FGD4: variants seen among roughly 807,000 people sequenced by gnomAD.
The protein encoded by FGD4 is FYVE, RhoGEF and PH domain containing 4.
Under a neutral mutation model 102.0 loss-of-function variants are expected in FGD4, and 42 were observed. The ratio of observed to expected loss-of-function variants is 0.41; its 90% CI spans 0.32 to 0.53. The LOEUF is 0.53. Among genes scored for constraint, FGD4 ranks in the 20% least tolerant of loss-of-function variants. The pLI is 0.21. For synonymous variants in FGD4, 380 were observed against 375.7 expected (o/e 1.01, Z -0.13); for missense variants, 902 against 1,078.2 (o/e 0.84, Z 2.29).
intron 1 of FGD4, among the ~76,000 whole-genome samples, chr12:32,472,825 G>A (rs1026524756): frequency 6.6e-6 from 1 of 152,226 alleles, no homozygotes; most frequent in African/African-American, 2.4e-5. Context: ...TCAGCATCCC[G>A]TGTTTAGCTC....
chr12:32,419,299 G>A (rs1179525300), intron 1 of FGD4, among the ~76,000 whole-genome samples: 1 of 152,170 alleles, frequency 6.6e-6, no homozygotes, highest in Non-Finnish European at 1.5e-5. Context: ...AATGTGCTGG[G>A]TCACACCTGA....
chr12:32,416,239 A>G (rs578197352), intron 1 of FGD4, among the ~76,000 whole-genome samples: 258 of 152,334 alleles, frequency 1.7e-3, no homozygotes, highest in Non-Finnish European at 2.5e-3. Flanking sequence ...TGCTCAAGCA[A>G]TCTGCTCACC....
rs1949692890 is a variant in FGD4 at position 32,619,841 on chromosome 12, G to A, written c.1893G>A (p.Gly631=). 1 of 1,613,938 alleles carries A rather than the reference G, an allele frequency of 6.2e-7. No homozygotes were observed. Among genetic ancestry groups the A allele is most frequent in the Non-Finnish European group, 8.5e-7 (1 of 1,179,968 alleles). Residue 631 remains glycine, a synonymous_variant, in exon 11 of 17, where the codon GGG becomes GGA. Coordinates refer to ENST00000534526, the MANE Select transcript of FGD4 (RefSeq NM_001370298.3). ...EEYPHTFQVS[G]KERTLELQAS... ...ATCCACATACTTTCCAGGTGTCTGG[G>A]AAAGAGAGAACACTGGAACTGCAGG...
chr12:32,486,336 A>G (rs1943899532), intron 1 of FGD4, among the ~76,000 whole-genome samples: 1 of 152,216 alleles, frequency 6.6e-6, no homozygotes, highest in Non-Finnish European at 1.5e-5. Flanking sequence ...CTGTGGTTTT[A>G]GCACAAAGGT....
At chr12:32,428,223 G>T (rs1260243026) in intron 1 of FGD4, among the ~76,000 whole-genome samples, 1 of 152,158 alleles carries the variant, frequency 6.6e-6, no homozygotes, top group Non-Finnish European at 1.5e-5. Context: ...TCCAGATTTA[G>T]TGCTTCCTTC....
chr12:32,538,820 A>G (rs4244859), intron 1 of FGD4, among the ~76,000 whole-genome samples: 65,752 of 151,858 alleles, frequency 0.43, 16,074 homozygotes, highest in African/African-American at 0.68. Context: ...TTGGGAGGCC[A>G]AGGAGGGAAG....
At position 32,499,143 on chromosome 12, in the gene FGD4, T is replaced by C. The variant is rs779857850; in HGVS notation, c.167-64994T>C. 2.2e-4 allele frequency among the ~76,000 whole-genome samples: 33 copies of C among 152,334 alleles called. 1 individual carries two copies. The highest frequency in any genetic ancestry group is 6.8e-3 in the Middle Eastern group (2 of 294). On this transcript the variant is annotated intron_variant, in intron 1 of 16. Transcript: ENST00000534526. ...TTCCCAAGGTTATTCCATCTCTGCC[T>C]AGCTGGCACAATGGCTGCAACAGCA...
chr12:32,503,670 C>T (rs527510790), intron 1 of FGD4, among the ~76,000 whole-genome samples: 1 of 152,188 alleles, frequency 6.6e-6, no homozygotes, highest in African/African-American at 2.4e-5. Context: ...CTCTAAGAAG[C>T]ATCTTTTAAT....
chr12:32,405,135 G>T (rs1479985058), intron 1 of FGD4, among the ~76,000 whole-genome samples: 1 of 151,790 alleles, frequency 6.6e-6, no homozygotes, highest in East Asian at 1.9e-4. Flanking sequence ...GGGTTTCACC[G>T]TGTTAGCCAG....
intron 1 of FGD4, among the ~76,000 whole-genome samples, chr12:32,432,087 T>G: frequency 7.1e-6 from 1 of 140,458 alleles, no homozygotes; most frequent in African/African-American, 2.6e-5. Context: ...TTAGACAGAG[T>G]CTCGCTCTGT....
In FGD4 at chr12:32,506,460, C is replaced by T. The variant is rs1938749479; in HGVS notation, c.167-57677C>T. On this transcript the variant is annotated intron_variant, in intron 1 of 16. Transcript: ENST00000534526. The surrounding 1 kb of genome is among the most constrained non-coding windows in gnomAD (Gnocchi z 4.5). The stretch of plus-strand genomic sequence containing the variant: ...CCAAAGCAGGTGGGGGAGGGAGGAG[C>T]CTGAGGAACGACTATGGTCCACTCT... Among the ~76,000 whole-genome samples the T allele has an allele frequency of 6.6e-6, 1 of 152,104 alleles. No homozygotes were observed. The highest frequency in any genetic ancestry group is 6.5e-5 in the Admixed American group (1 of 15,272).
At chr12:32,547,461 A>T (rs1943315458) in intron 1 of FGD4, among the ~76,000 whole-genome samples, 2 of 152,162 alleles carry the variant, frequency 1.3e-5, no homozygotes, top group African/African-American at 4.8e-5. Flanking sequence ...CACACACCCC[A>T]GCCTAACCAC....
At chr12:32,549,265 C>T (rs931520762) in intron 1 of FGD4, among the ~76,000 whole-genome samples, 1 of 152,270 alleles carries the variant, frequency 6.6e-6, no homozygotes, top group East Asian at 1.9e-4. Flanking sequence ...ATGAAGGATC[C>T]TCTTGTCAGA....
At chr12:32,485,916 G>A in intron 1 of FGD4, 1 of 1,268,434 alleles carries the variant, frequency 7.9e-7, no homozygotes, top group Non-Finnish European at 9.9e-7. Flanking sequence ...GTAGTTCCTT[G>A]AGCCTGCATC....
chr12:32,446,275 C>T (rs1942612538), intron 1 of FGD4, among the ~76,000 whole-genome samples: 1 of 152,152 alleles, frequency 6.6e-6, no homozygotes, highest in Admixed American at 6.5e-5. Context: ...TAACCCCACT[C>T]ATTACAAGGT....
intron 14 of FGD4, among the ~76,000 whole-genome samples, chr12:32,629,568 G>A (rs1950375335): frequency 6.6e-6 from 1 of 151,776 alleles, no homozygotes; most frequent in Non-Finnish European, 1.5e-5. Context: ...TCTCCCTGTG[G>A]GATTCAATTC....
intron 3 of FGD4, 87 bp downstream of exon 3, chr12:32,576,536 A>G: frequency 7.0e-7 from 1 of 1,427,976 alleles, no homozygotes; most frequent in Non-Finnish European, 9.8e-7. Flanking sequence ...ATTCTAAATA[A>G]AAAGCATAAT....
chr12:32,474,042 C>T (rs995266765), intron 1 of FGD4, among the ~76,000 whole-genome samples: 2 of 151,484 alleles, frequency 1.3e-5, no homozygotes, highest in Non-Finnish European at 2.9e-5. Context: ...GAGCTGAGAG[C>T]GCGCCACTGC....
chr12:32,470,354 T>A (rs1455322903), intron 1 of FGD4, among the ~76,000 whole-genome samples: 2 of 152,088 alleles, frequency 1.3e-5, no homozygotes, highest in African/African-American at 4.8e-5. Flanking sequence ...GCTTACAAGT[T>A]TTTGCTGGAA....
Sources: allele counts gnomAD v4.1 joint callset (sites outside exome capture counted in the v4.1 genomes callset), GRCh38; gene constraint gnomAD v4.1.1; non-coding constraint Gnocchi (gnomAD v3.1); transcripts MANE v1.5; gene names NCBI Gene and HGNC (gene_info 2026-07-23, HGNC 2026-07-21).